The following GRID2 variants were observed in gnomAD, a reference collection of about 807,000 sequenced individuals.
GRID2 encodes glutamate ionotropic receptor delta type subunit 2.
GRID2 carries 33 observed loss-of-function variants against 114.8 expected under a neutral mutation model. The ratio of observed to expected loss-of-function variants is 0.29; its 90% CI spans 0.22 to 0.38. The LOEUF (loss-of-function observed/expected upper bound fraction) is 0.38. Ranked by LOEUF, GRID2 falls within the 10% of genes least tolerant of loss-of-function variation. The pLI is 1.00. For synonymous variants in GRID2, 505 were observed against 449.9 expected (o/e 1.12, Z -1.55); for missense variants, 1,184 against 1,257.7 (o/e 0.94, Z 0.89).
chr4:92,358,731 T>G (rs1728464770), intron 1 of GRID2, among the ~76,000 whole-genome samples: 1 of 151,858 alleles, frequency 6.6e-6, no homozygotes, highest in South Asian at 2.1e-4. Flanking sequence ...CAAACAGAAA[T>G]GTGGTAAATG....
intron 1 of GRID2, among the ~76,000 whole-genome samples, chr4:93,804,042 C>T (rs1222091197): frequency 6.6e-6 from 1 of 152,088 alleles, no homozygotes; most frequent in African/African-American, 2.4e-5. Context: ...CCTCAGAATC[C>T]CAAGGGTCCT....
intron 1 of GRID2, among the ~76,000 whole-genome samples, chr4:92,456,594 G>T (rs1026785282): frequency 5.9e-5 from 9 of 152,056 alleles, no homozygotes; most frequent in African/African-American, 2.2e-4. Flanking sequence ...AAAAAGAAAA[G>T]ATATGTGTGA....
intron 7 of GRID2, among the ~76,000 whole-genome samples, chr4:93,225,088 A>G (rs1199247050): frequency 6.6e-6 from 1 of 152,120 alleles, no homozygotes; most frequent in Non-Finnish European, 1.5e-5. Context: ...AAAGGCTTTT[A>G]AAAAAACACA....
At chr4:93,653,690 C>T (rs1722775183) in intron 14 of GRID2, among the ~76,000 whole-genome samples, 1 of 152,006 alleles carries the variant, frequency 6.6e-6, no homozygotes, top group African/African-American at 2.4e-5. Flanking sequence ...AGATTTTTAC[C>T]ACCCACTAGT....
At chr4:93,326,164 A>G (rs1002938175) in intron 8 of GRID2, among the ~76,000 whole-genome samples, 2 of 152,138 alleles carry the variant, frequency 1.3e-5, no homozygotes, top group East Asian at 3.9e-4. Flanking sequence ...AGAATATAAT[A>G]AATGGAACTA....
intron 3 of GRID2, among the ~76,000 whole-genome samples, chr4:93,103,249 A>T (rs990901074): frequency 1.3e-5 from 2 of 152,050 alleles, no homozygotes; most frequent in African/African-American, 4.8e-5. Flanking sequence ...CTGAGACTGC[A>T]TCGTAGCCTC....
In GRID2 at chr4:92,767,353, C is replaced by T. The variant is rs113103480; in HGVS notation, c.244+177067C>T. Among the ~76,000 whole-genome samples the T allele has an allele frequency of 6.3e-3, 963 of 152,260 alleles. 11 individuals carry two copies. Among genetic ancestry groups the T allele is most frequent in the African/African-American group, 0.022 (910 of 41,546 alleles). On this transcript the variant is annotated intron_variant, in intron 2 of 15. Transcript: ENST00000282020. ...ATTCTATCTTATTGAAGCCACTGTA[C>T]TTGTGTGTCTGTTATGGTAACTTGG...
At chr4:93,151,795 C>T (rs1166618278) in intron 4 of GRID2, among the ~76,000 whole-genome samples, 3 of 152,046 alleles carry the variant, frequency 2.0e-5, no homozygotes, top group Non-Finnish European at 4.4e-5. Context: ...TGATTTTCAT[C>T]TCTCAAGATG....
chr4:93,652,784 T>TAAAAAAAAAAAAAA (rs200098114), intron 14 of GRID2, among the ~76,000 whole-genome samples: 1 of 86,416 alleles, frequency 1.2e-5, no homozygotes, highest in Non-Finnish European at 2.3e-5. Context: ...CAGTAAATGC[T>TAAAAAAAAAAAAAA]AAAAAAAAAA....
intron 14 of GRID2, among the ~76,000 whole-genome samples, chr4:93,668,581 G>C (rs1030727805): frequency 1.3e-5 from 2 of 152,078 alleles, no homozygotes; most frequent in African/African-American, 2.4e-5. Context: ...AGCCTTCAAA[G>C]AGTTGTCAGG....
intron 2 of GRID2, among the ~76,000 whole-genome samples, chr4:92,709,715 T>C (rs1735145507): frequency 6.6e-6 from 1 of 151,662 alleles, no homozygotes; most frequent in Non-Finnish European, 1.5e-5. Flanking sequence ...CCTTAAGACA[T>C]AAGCTTAGCA....
At chr4:92,316,910 C>G (rs1726013779) in intron 1 of GRID2, among the ~76,000 whole-genome samples, 1 of 152,114 alleles carries the variant, frequency 6.6e-6, no homozygotes, top group South Asian at 2.1e-4. Context: ...TAAATACAAT[C>G]ATGCCAATTT....
chr4:92,694,922 A>T (rs1340474628), intron 2 of GRID2, among the ~76,000 whole-genome samples: 2 of 152,164 alleles, frequency 1.3e-5, no homozygotes, highest in Non-Finnish European at 1.5e-5. Flanking sequence ...AATATAGCTG[A>T]CTAAATGCTT....
chr4:92,771,821 C>G (rs550934683), intron 2 of GRID2, among the ~76,000 whole-genome samples: 2 of 152,254 alleles, frequency 1.3e-5, no homozygotes, highest in Admixed American at 6.5e-5. Flanking sequence ...GAGGTAATGC[C>G]TTTTCTGTGA....
At chr4:92,941,924 G>A (rs1751176164) in intron 2 of GRID2, among the ~76,000 whole-genome samples, 2 of 152,274 alleles carry the variant, frequency 1.3e-5, no homozygotes, top group Non-Finnish European at 2.9e-5. Context: ...TTGCACTGTG[G>A]TCTGAGAGAC....
intron 2 of GRID2, among the ~76,000 whole-genome samples, chr4:92,956,944 C>T (rs996356811): frequency 1.3e-5 from 2 of 152,022 alleles, no homozygotes; most frequent in Non-Finnish European, 2.9e-5. Context: ...GCTTGTTTGC[C>T]ATCTGTATAT....
At chr4:93,181,765 A>C (rs1739919260) in intron 4 of GRID2, among the ~76,000 whole-genome samples, 1 of 152,156 alleles carries the variant, frequency 6.6e-6, no homozygotes, top group South Asian at 2.1e-4. Flanking sequence ...CAATGCCTGA[A>C]GTTTAGATTT....
chr4:92,984,451 G>T (rs540812298), intron 2 of GRID2, among the ~76,000 whole-genome samples: 1 of 152,318 alleles, frequency 6.6e-6, no homozygotes, highest in East Asian at 1.9e-4. Flanking sequence ...CTCTTTGTTA[G>T]AGAAAGACTG....
intron 12 of GRID2, among the ~76,000 whole-genome samples, chr4:93,492,655 C>A (rs1727132426): frequency 6.6e-6 from 1 of 151,774 alleles, no homozygotes; most frequent in South Asian, 2.1e-4. Flanking sequence ...TTAATTATGT[C>A]TATAATTGGT....
Sources: gnomAD v4.1 joint callset for allele counts (sites outside exome capture counted in the v4.1 genomes callset) on GRCh38, gnomAD v4.1.1 for gene constraint, MANE v1.5 for transcripts, NCBI Gene and HGNC (gene_info 2026-07-23, HGNC 2026-07-21) for gene names.